PCDH9: variants seen among roughly 807,000 people sequenced by gnomAD.
PCDH9 encodes the protein protocadherin 9, also known as protocadherin-9.
Under a neutral mutation model 70.6 loss-of-function variants are expected in PCDH9, and 24 were observed. The ratio of observed to expected loss-of-function variants is 0.34; its 90% CI spans 0.25 to 0.48. The LOEUF (loss-of-function observed/expected upper bound fraction) is 0.48. Ranked by LOEUF, PCDH9 falls within the 20% of genes least tolerant of loss-of-function variation. PCDH9 has a pLI of 0.99. For missense variants in PCDH9, 1,281 were observed against 1,503.6 expected, an observed-to-expected ratio of 0.85 and a Z score of 2.45; for synonymous variants, 562 against 558.5, an observed-to-expected ratio of 1.01 and a Z score of -0.09.
intron 3 of PCDH9, among the ~76,000 whole-genome samples, chr13:66,739,272 T>C (rs1191375496): frequency 9.0e-6 from 1 of 110,846 alleles, no homozygotes; most frequent in African/African-American, 3.0e-5. Context: ...AATAAAATAC[T>C]TTACAGACAA....
chr13:66,529,523 A>C (rs1402542192), intron 4 of PCDH9, among the ~76,000 whole-genome samples: 1 of 152,110 alleles, frequency 6.6e-6, no homozygotes, highest in Non-Finnish European at 1.5e-5. Flanking sequence ...TGTTCCAAAA[A>C]CTAATAACTA....
intron 2 of PCDH9, among the ~76,000 whole-genome samples, chr13:66,962,672 A>T (rs1463882125): frequency 6.6e-6 from 1 of 152,122 alleles, no homozygotes; most frequent in African/African-American, 2.4e-5. Flanking sequence ...TTATGGAACC[A>T]CCTTTGTATA....
intron 3 of PCDH9, among the ~76,000 whole-genome samples, chr13:66,631,841 T>C (rs2077575613): frequency 6.6e-6 from 1 of 152,216 alleles, no homozygotes; most frequent in Non-Finnish European, 1.5e-5. Flanking sequence ...TTGATGTTTT[T>C]AGGGTAACAT....
At chr13:66,931,524 G>T (rs537247995) in intron 2 of PCDH9, among the ~76,000 whole-genome samples, 2 of 152,108 alleles carry the variant, frequency 1.3e-5, no homozygotes, top group Non-Finnish European at 2.9e-5. Flanking sequence ...GGAAAGAAAT[G>T]TAACCTGTTT....
intron 2 of PCDH9, among the ~76,000 whole-genome samples, chr13:67,154,951 G>C (rs1481328839): frequency 6.6e-6 from 1 of 151,938 alleles, no homozygotes; most frequent in Non-Finnish European, 1.5e-5. Context: ...GATCTCAGGT[G>C]ATCCACCCAC....
rs550217869 is a variant in PCDH9 at position 66,562,342 on chromosome 13, C to T, written c.3340+68868G>A. Among the ~76,000 whole-genome samples the T allele has an allele frequency of 3.3e-5, 5 of 152,114 alleles. No individual in the cohort carries two copies. The South Asian group carries it at 1.0e-3, about 32-fold the overall frequency. Reference sequence around the variant, plus strand: ...AACCTTTAGAGCTCCTAGTTTTAGACAAATAGATCTCAGTATAGCAGATAT... The same window carrying T: ...AACCTTTAGAGCTCCTAGTTTTAGATAAATAGATCTCAGTATAGCAGATAT... On this transcript the variant is annotated intron_variant, in intron 4 of 4. Coordinates refer to ENST00000377865, the MANE Select transcript of PCDH9 (RefSeq NM_203487.3).
intron 3 of PCDH9, among the ~76,000 whole-genome samples, chr13:66,889,899 G>A (rs1380529403): frequency 6.6e-6 from 1 of 152,108 alleles, no homozygotes; most frequent in Non-Finnish European, 1.5e-5. Context: ...TGAAGCCATG[G>A]GGATGATGAG....
intron 2 of PCDH9, among the ~76,000 whole-genome samples, chr13:67,177,817 T>A (rs201423520): frequency 1.3e-5 from 2 of 152,096 alleles, no homozygotes; most frequent in East Asian, 3.9e-4. Context: ...GTTGCTTCAA[T>A]CTCAGCATGT....
intron 4 of PCDH9, among the ~76,000 whole-genome samples, chr13:66,450,881 G>T (rs1294329152): frequency 6.6e-6 from 1 of 152,132 alleles, no homozygotes; most frequent in South Asian, 2.1e-4. Flanking sequence ...AGCCAGGCGT[G>T]GTGGCGGCCC....
intron 3 of PCDH9, among the ~76,000 whole-genome samples, chr13:66,676,903 A>G (rs2139050394): frequency 6.6e-6 from 1 of 152,270 alleles, no homozygotes; most frequent in South Asian, 2.1e-4. Flanking sequence ...AAACAAAAGA[A>G]TTAATGTTTG....
chr13:66,345,544 C>T (rs1956200058), intron 4 of PCDH9, among the ~76,000 whole-genome samples: 1 of 152,098 alleles, frequency 6.6e-6, no homozygotes, highest in East Asian at 1.9e-4. Flanking sequence ...GGCCAGGCAA[C>T]GAGGCCCTTC....
At chr13:66,849,515 TATAGAGAGAGAG>T (rs2081278086) in intron 3 of PCDH9, among the ~76,000 whole-genome samples, 2 of 72,522 alleles carry the variant, frequency 2.8e-5, no homozygotes, top group South Asian at 1.2e-3. Context: ...TATATATATA[TATAGAGAGAGAG>T]AGAGAGAGAG....
chr13:66,921,928 C>A (rs2082642833), intron 2 of PCDH9, among the ~76,000 whole-genome samples: 2 of 151,306 alleles, frequency 1.3e-5, no homozygotes, highest in African/African-American at 4.8e-5. Context: ...ATTTGTAGAA[C>A]AATTAAGGTC....
intron 2 of PCDH9, among the ~76,000 whole-genome samples, chr13:67,045,633 CTCT>C (rs1674982146): frequency 6.6e-6 from 1 of 151,912 alleles, no homozygotes; most frequent in Non-Finnish European, 1.5e-5. Flanking sequence ...GGCCACTAAA[CTCT>C]GGATTTTGAA....
rs146072333 is a variant in PCDH9, at chr13:66,346,313, T to C, written c.3341-41285A>G. ...ATCACTCATCTTTGGTTATCTTCCA[T>C]GACGAGCACACAACCACGGAAACGT... On this transcript the variant is annotated intron_variant, in intron 4 of 4. Transcript: ENST00000377865. 5.4e-4 allele frequency among the ~76,000 whole-genome samples: 82 copies of C among 152,354 alleles called. 1 individual carries two copies. In the East Asian group the frequency reaches 0.016, roughly 29 times the overall value.
At chr13:66,829,746 A>AAAAT (rs2080892394) in intron 3 of PCDH9, among the ~76,000 whole-genome samples, 1 of 147,064 alleles carries the variant, frequency 6.8e-6, no homozygotes, top group Admixed American at 6.8e-5. Context: ...AAAAAAAAAA[A>AAAAT]TTTCATTTAG....
In PCDH9 at chr13:66,537,288, A is replaced by G. The variant is rs144240642; in HGVS notation, c.3340+93922T>C. Among the ~76,000 whole-genome samples, 536 of 152,238 alleles carry G rather than the reference A, an allele frequency of 3.5e-3. 2 individuals carry two copies. Among genetic ancestry groups the G allele is most frequent in the African/African-American group, 0.012 (488 of 41,572 alleles). On this transcript the variant is annotated intron_variant, in intron 4 of 4. Coordinates refer to ENST00000377865, the MANE Select transcript of PCDH9 (RefSeq NM_203487.3). ...GTGCTGAACATTGGGTTACTCTTTC[A>G]AGATATAAGGTCTGGATTGAAGTGA...
At chr13:66,876,714 G>A (rs2081818071) in intron 3 of PCDH9, 1 of 152,038 alleles carries the variant, frequency 6.6e-6, no homozygotes, top group South Asian at 2.1e-4. Flanking sequence ...AATCAGTAGA[G>A]AAAAGAGGTT....
At chr13:66,883,290 A>C (rs1027873639) in intron 3 of PCDH9, among the ~76,000 whole-genome samples, 1 of 152,198 alleles carries the variant, frequency 6.6e-6, no homozygotes, top group African/African-American at 2.4e-5. Context: ...CATAGAGACT[A>C]AGGCTGGGTT....
Sources: gnomAD v4.1 joint callset for allele counts (sites outside exome capture counted in the v4.1 genomes callset) on GRCh38, gnomAD v4.1.1 for gene constraint, MANE v1.5 for transcripts, NCBI Gene and HGNC (gene_info 2026-07-23, HGNC 2026-07-21) for gene names.